Variants in AGO1 observed in about 807,000 individuals in gnomAD.
AGO1 encodes protein argonaute-1.
Under a neutral mutation model 109.2 loss-of-function variants are expected in AGO1, and 11 were observed. The ratio of observed to expected loss-of-function variants is 0.10; its 90% CI spans 0.06 to 0.17. The LOEUF (loss-of-function observed/expected upper bound fraction) is 0.17. Ranked by LOEUF, AGO1 falls within the 10% of genes least tolerant of loss-of-function variation. The pLI is 1.00. For missense variants in AGO1, 574 were observed against 1,140.3 expected (o/e 0.50, Z 7.15); for synonymous variants, 422 against 418.6 (o/e 1.01, Z -0.10).
intron 11 of AGO1, among the ~76,000 whole-genome samples, chr1:35,903,456 C>T (rs1645458590): frequency 6.6e-6 from 1 of 152,092 alleles, no homozygotes; most frequent in South Asian, 2.1e-4. Flanking sequence ...GGGGTCAATG[C>T]ACTCTAGGGA....
intron 2 of AGO1, among the ~76,000 whole-genome samples, chr1:35,891,752 A>G (rs894511120): frequency 6.6e-6 from 1 of 151,856 alleles, no homozygotes; most frequent in African/African-American, 2.4e-5. Context: ...TTTTGTAGAG[A>G]TGGAGTTTCT....
At chr1:35,881,781 A>G (rs919306324), upstream of AGO1, among the ~76,000 whole-genome samples, 4 of 152,340 alleles carry the variant, frequency 2.6e-5, no homozygotes, top group East Asian at 3.9e-4. Flanking sequence ...CATGGCATCT[A>G]GTGTAAAGCA....
chr1:35,885,905 G>C (rs747802173), intron 1 of AGO1, among the ~76,000 whole-genome samples: 3 of 152,224 alleles, frequency 2.0e-5, no homozygotes, highest in Non-Finnish European at 4.4e-5. Flanking sequence ...TACTCACATG[G>C]AACAGATCCT....
intron 2 of AGO1, among the ~76,000 whole-genome samples, chr1:35,891,836 A>AAT (rs1478118632): frequency 1.3e-5 from 2 of 150,936 alleles, no homozygotes; most frequent in Admixed American, 1.3e-4. Flanking sequence ...AAGTGCTGGG[A>AAT]TTATAGGCAT....
rs1163258781 is a variant in AGO1, at chr1:35,920,525, A to G, written c.*918A>G. 5 of 152,602 alleles carry G rather than the reference A, an allele frequency of 3.3e-5. No homozygotes were observed. The highest frequency in any genetic ancestry group is 7.3e-5 in the Non-Finnish European group (5 of 68,056). The allele number at this position is 152,602 out of a possible 1,614,324, so 9.5% of individuals were successfully genotyped here. A position where few individuals can be genotyped will look rare whatever the true frequency, so the allele number is the denominator to read the frequency against. ...CCAGCCAGAAAGCCAGCTATTTTGCATTTGAAGGAATTGACTTCCTCATTC... is the reference window on the plus strand; with the variant it reads ...CCAGCCAGAAAGCCAGCTATTTTGCGTTTGAAGGAATTGACTTCCTCATTC... On this transcript the variant is annotated 3_prime_UTR_variant, in exon 19 of 19. Transcript: ENST00000373204.
chr1:35,914,945 G>C (rs928578225), intron 14 of AGO1, among the ~76,000 whole-genome samples: 4 of 152,108 alleles, frequency 2.6e-5, no homozygotes, highest in African/African-American at 9.7e-5. Flanking sequence ...CATGATTCCT[G>C]GGTAGATTAG....
rs181116037 is a variant in AGO1, at chr1:35,926,097, T to C, written c.*6490T>C. ...TGGACATGGAGCAGATTTTGACCAG[T>C]TGAAATAAGACATAAATTTATGACT... is the stretch of plus-strand genomic sequence containing the variant. On this transcript the variant is annotated 3_prime_UTR_variant, in exon 19 of 19. Coordinates refer to ENST00000373204, the MANE Select transcript of AGO1 (RefSeq NM_012199.5). 4.6e-5 allele frequency: 7 copies of C among 152,254 alleles called. No individual in the cohort carries two copies. The highest frequency in any genetic ancestry group is 4.6e-4 in the Admixed American group (7 of 15,296). The allele number at this position is 152,254 out of a possible 1,614,324, so 9.4% of individuals were successfully genotyped here.
upstream of AGO1, among the ~76,000 whole-genome samples, chr1:35,881,112 A>G (rs1645032315): frequency 6.6e-6 from 1 of 152,242 alleles, no homozygotes; most frequent in Admixed American, 6.5e-5. Context: ...ATGCAGGGCC[A>G]ATATTGAAAC....
At chr1:35,917,768 T>A in intron 16 of AGO1, 41 bp downstream of exon 16, 1 of 1,595,276 alleles carries the variant, frequency 6.3e-7, no homozygotes, top group South Asian at 1.1e-5. Flanking sequence ...TCCTTCTGTC[T>A]CCCTTATCTT....
Position 35,902,076 on chromosome 1 carries a change from C to G in AGO1, c.1263+6C>G. The stretch of plus-strand genomic sequence containing the variant: ...TCTTGCAGTACGGCGGCCGGGTGAG[C>G]AGGGTCAGGGCCAGACAACATCTCG... On this transcript the variant is annotated splice_donor_region_variant and intron_variant, in intron 10 of 18. Coordinates refer to ENST00000373204, the MANE Select transcript of AGO1 (RefSeq NM_012199.5). The G allele has an allele frequency of 6.3e-7, 1 of 1,597,362 alleles. No individual in the cohort carries two copies. Among genetic ancestry groups the G allele is most frequent in the African/African-American group, 1.3e-5 (1 of 74,612 alleles).
chr1:35,904,807 T>C (rs1031335158), intron 11 of AGO1, among the ~76,000 whole-genome samples: 4 of 152,148 alleles, frequency 2.6e-5, no homozygotes, highest in African/African-American at 7.2e-5. Flanking sequence ...ATTGAAGATA[T>C]AACTCAGAGA....
chr1:35,919,915 G>T lies in AGO1; in HGVS notation c.*308G>T. The stretch of plus-strand genomic sequence containing the variant: ...CACCATACACACAGGTGTCTCATGT[G>T]ACTCACAGTGCTAAAGACTCATGCT... On this transcript the variant is annotated 3_prime_UTR_variant, in exon 19 of 19. Transcript: ENST00000373204. This position sits in a 1 kb window ranked among gnomAD's most constrained non-coding sequence, Gnocchi z 6.6. 1 of 320,356 alleles carries T rather than the reference G, an allele frequency of 3.1e-6. No individual in the cohort carries two copies. Among genetic ancestry groups the T allele is most frequent in the Non-Finnish European group, 5.9e-6 (1 of 170,890 alleles). 19.8% of individuals were successfully genotyped at this position (320,356 alleles called of 1,614,324 possible). A position where few individuals can be genotyped will look rare whatever the true frequency, so the allele number is the denominator to read the frequency against.
chr1:35,870,572 G>A (rs1439091339), intron 1 of AGO1, among the ~76,000 whole-genome samples: 1 of 152,128 alleles, frequency 6.6e-6, no homozygotes, highest in Non-Finnish European at 1.5e-5. Flanking sequence ...GTGAGCCACC[G>A]CGCCTGGCCA....
intron 12 of AGO1, among the ~76,000 whole-genome samples, chr1:35,908,552 T>C (rs2148719820): frequency 6.6e-6 from 1 of 152,322 alleles, no homozygotes; most frequent in African/African-American, 2.4e-5. Context: ...GTCCAACATC[T>C]GGATATATTG....
chr1:35,930,477 G>A lies in AGO1; in HGVS notation c.*10870G>A, dbSNP rs925979776. Reference sequence around the variant, plus strand: ...ACGCCGTGCGTTTTCACCCTGGAAAGGAGTTTGGGTTTTCAAGTGTGACGA... The same window carrying A: ...ACGCCGTGCGTTTTCACCCTGGAAAAGAGTTTGGGTTTTCAAGTGTGACGA... On this transcript the variant is annotated 3_prime_UTR_variant, in exon 19 of 19. Coordinates refer to ENST00000373204, the MANE Select transcript of AGO1 (RefSeq NM_012199.5). 2 of 152,248 alleles carry A rather than the reference G, an allele frequency of 1.3e-5. No homozygotes were observed. Among genetic ancestry groups the A allele is most frequent in the African/African-American group, 4.8e-5 (2 of 41,450 alleles). 9.4% of individuals were successfully genotyped at this position (152,248 alleles called of 1,614,324 possible).
rs1187262885 is a variant in AGO1 at position 35,928,760 on chromosome 1, C to T, written c.*9153C>T. ...AAAATTTTGTGAATTTATTAAAGCTCCGTTTGTTGCTTTTTTCTGTTCTAG... is the reference window on the plus strand; with the variant it reads ...AAAATTTTGTGAATTTATTAAAGCTTCGTTTGTTGCTTTTTTCTGTTCTAG... On this transcript the variant is annotated 3_prime_UTR_variant, in exon 19 of 19. Transcript: ENST00000373204. 6.6e-6 allele frequency: 1 copy of T among 152,104 alleles called. No individual in the cohort carries two copies. The highest frequency in any genetic ancestry group is 2.4e-5 in the African/African-American group (1 of 41,408). 9.4% of individuals were successfully genotyped at this position (152,104 alleles called of 1,614,324 possible). A position where few individuals can be genotyped will look rare whatever the true frequency, so the allele number is the denominator to read the frequency against.
chr1:35,925,052 A>C lies in AGO1; in HGVS notation c.*5445A>C, dbSNP rs1314362355. ...AGGTTCGGGGGAGGAAGCAGATCTT[A>C]AGGTGACAGATCACTGGTAGACAGT... is the stretch of plus-strand genomic sequence containing the variant. On this transcript the variant is annotated 3_prime_UTR_variant, in exon 19 of 19. Transcript: ENST00000373204. 1.3e-5 allele frequency: 2 copies of C among 152,182 alleles called. No individual in the cohort carries two copies. Among genetic ancestry groups the C allele is most frequent in the Non-Finnish European group, 2.9e-5 (2 of 68,034 alleles). The allele number at this position is 152,182 out of a possible 1,614,324, so 9.4% of individuals were successfully genotyped here.
chr1:35,888,374 G>C lies in AGO1; in HGVS notation c.26-53G>C. 1 of 1,579,364 alleles carries C rather than the reference G, an allele frequency of 6.3e-7. No homozygotes were observed. The highest frequency in any genetic ancestry group is 8.7e-7 in the Non-Finnish European group (1 of 1,155,780). ...GGAGGCCTTGTTCCTCCTCTGATAAGAGTAGTTAGGAGATTGCCAGACTTT... is the reference window on the plus strand; with the variant it reads ...GGAGGCCTTGTTCCTCCTCTGATAACAGTAGTTAGGAGATTGCCAGACTTT... On this transcript the variant is annotated intron_variant, in intron 1 of 18. Transcript: ENST00000373204. This position sits in a 1 kb window ranked among gnomAD's most constrained non-coding sequence, Gnocchi z 4.1.
chr1:35,882,178 G>T (rs1645044032), upstream of AGO1, among the ~76,000 whole-genome samples: 1 of 152,184 alleles, frequency 6.6e-6, no homozygotes, highest in South Asian at 2.1e-4. This position sits in a 1 kb window ranked among gnomAD's most constrained non-coding sequence, Gnocchi z 5.1. Flanking sequence ...TCTTAAATTT[G>T]AAGTGCTGGT....
Sources: gnomAD v4.1 joint callset for allele counts (sites outside exome capture counted in the v4.1 genomes callset) on GRCh38, gnomAD v4.1.1 for gene constraint, Gnocchi (gnomAD v3.1) non-coding constraint, MANE v1.5 for transcripts, NCBI Gene and HGNC (gene_info 2026-07-23, HGNC 2026-07-21) for gene names.